The following PGLYRP4 variants were observed in gnomAD, a reference collection of about 807,000 sequenced individuals.
PGLYRP4 encodes the protein PGRP-I-beta.
PGLYRP4 carries 39 observed loss-of-function variants against 41.2 expected under a neutral mutation model. The observed-to-expected ratio is 0.95, with a 90% CI of 0.73 to 1.24. The LOEUF is 1.24. Ranked by LOEUF, PGLYRP4 falls within the 50% of genes most tolerant of loss-of-function variation. The pLI is 0.00. For missense variants in PGLYRP4, 467 were observed against 460.7 expected, an observed-to-expected ratio of 1.01 and a Z score of -0.13; for synonymous variants, 202 against 186.8, an observed-to-expected ratio of 1.08 and a Z score of -0.66.
At chr1:153,336,266 G>C (rs1030102551) in intron 8 of PGLYRP4, among the ~76,000 whole-genome samples, 1 of 150,868 alleles carries the variant, frequency 6.6e-6, no homozygotes, top group African/African-American at 2.4e-5. Flanking sequence ...AGCTACTCGG[G>C]AGGTTGAGGC....
At chr1:153,331,418 A>G (rs571579721) in intron 8 of PGLYRP4, among the ~76,000 whole-genome samples, 1 of 152,296 alleles carries the variant, frequency 6.6e-6, no homozygotes, top group East Asian at 1.9e-4. Flanking sequence ...ATTTAATCAC[A>G]ATGTACTGCC....
chr1:153,340,660 C>A, intron 6 of PGLYRP4, 81 bp from the exon 7 acceptor site: 2 of 1,389,830 alleles, frequency 1.4e-6, no homozygotes, highest in South Asian at 1.3e-5. Flanking sequence ...TGATATAATG[C>A]TCAGGACCCT....
rs534125850 is a variant in PGLYRP4 at position 153,348,282 on chromosome 1, C to G, written c.-47+246G>C. Among the ~76,000 whole-genome samples the G allele has an allele frequency of 6.0e-4, 91 of 152,268 alleles. 1 individual carries two copies. The Middle Eastern group carries it at 0.01, about 17-fold the overall frequency. On this transcript the variant is annotated intron_variant, in intron 1 of 8. Coordinates refer to ENST00000359650, the MANE Select transcript of PGLYRP4 (RefSeq NM_020393.4). ...TCCTGTCATGTAAGACTGTTAACCC[C>G]CATTTTTACAGACAAAGGAAGTAAG... is the stretch of plus-strand genomic sequence containing the variant.
At chr1:153,337,078 G>A in intron 8 of PGLYRP4, 103 bp downstream of exon 8, 1 of 891,568 alleles carries the variant, frequency 1.1e-6, no homozygotes, top group Non-Finnish European at 1.9e-6. Flanking sequence ...TCAAGCATAT[G>A]CAGGCACTAA....
rs1013639071 is a variant in PGLYRP4, at chr1:153,331,304, G to T, written c.944-359C>A. On this transcript the variant is annotated intron_variant, in intron 8 of 8. Coordinates refer to ENST00000359650, the MANE Select transcript of PGLYRP4 (RefSeq NM_020393.4). ...ACTGGGATGCAGGGGAATACTAGTC[G>T]GTAGAAGCCAAGGATACTGCTAAAC... Among the ~76,000 whole-genome samples, 3 of 152,144 alleles carry T rather than the reference G, an allele frequency of 2.0e-5. No homozygotes were observed. The East Asian group carries it at 5.8e-4, about 29-fold the overall frequency.
At chr1:153,331,391 T>G (rs1660330624) in intron 8 of PGLYRP4, among the ~76,000 whole-genome samples, 1 of 152,198 alleles carries the variant, frequency 6.6e-6, no homozygotes, top group Non-Finnish European at 1.5e-5. Context: ...TCAATTGTAC[T>G]GAGGTTGAGA....
chr1:153,340,214 C>T (rs1660736910), intron 7 of PGLYRP4, among the ~76,000 whole-genome samples, 167 bp downstream of exon 7: 1 of 152,160 alleles, frequency 6.6e-6, no homozygotes, highest in Admixed American at 6.5e-5. Flanking sequence ...TGGCTATCTC[C>T]TAAGAAAGAC....
Position 153,345,053 on chromosome 1 carries a change from T to A in PGLYRP4, c.353+116A>T, listed in dbSNP as rs1172439390. The A allele has an allele frequency of 1.2e-5, 9 of 753,794 alleles. 1 individual carries two copies. The East Asian group carries it at 2.1e-4, about 17-fold the overall frequency. The allele number at this position is 753,794 out of a possible 1,614,324, so 46.7% of individuals were successfully genotyped here. ...GGGGTTTTAAATATTTTATTCATTA[T>A]AAAACATATAGGACCACAACCCAGA... On this transcript the variant is annotated intron_variant, in intron 4 of 8. Coordinates refer to ENST00000359650, the MANE Select transcript of PGLYRP4 (RefSeq NM_020393.4).
intron 6 of PGLYRP4, among the ~76,000 whole-genome samples, chr1:153,341,229 C>G (rs1035898812): frequency 6.6e-5 from 10 of 152,182 alleles, no homozygotes; most frequent in African/African-American, 2.2e-4. Context: ...ATATAACATC[C>G]CAATATGTCA....
intron 6 of PGLYRP4, 53 bp downstream of exon 6, chr1:153,341,574 T>G: frequency 1.3e-6 from 2 of 1,514,766 alleles, no homozygotes; most frequent in Non-Finnish European, 1.8e-6. Context: ...TATTTGCGAG[T>G]TAGTTGGGGT....
Position 153,330,953 on chromosome 1 carries a change from A to T in PGLYRP4, c.944-8T>A. ...CAGCATTGGGTGGTATACCTGCAAA[A>T]CACAGCAGCCCATTGTCTACAGGAT... is the stretch of plus-strand genomic sequence containing the variant. On this transcript the variant is annotated splice_region_variant and splice_polypyrimidine_tract_variant and intron_variant, in intron 8 of 8. Transcript: ENST00000359650. 2 of 1,609,824 alleles carry T rather than the reference A, an allele frequency of 1.2e-6. No homozygotes were observed. The highest frequency in any genetic ancestry group is 1.7e-6 in the Non-Finnish European group (2 of 1,176,870).
chr1:153,343,013 G>T, intron 5 of PGLYRP4, 77 bp downstream of exon 5: 1 of 822,140 alleles, frequency 1.2e-6, no homozygotes, highest in Non-Finnish European at 2.1e-6. Flanking sequence ...GTAGCAGATA[G>T]CTAGTTCCCA....
intron 8 of PGLYRP4, among the ~76,000 whole-genome samples, chr1:153,334,969 A>G (rs1026806215): frequency 2.6e-5 from 4 of 152,206 alleles, no homozygotes; most frequent in African/African-American, 9.6e-5. Context: ...CACCCTATTG[A>G]ATAAATGGTG....
At chr1:153,337,103 C>T (rs989921272) in intron 8 of PGLYRP4, 78 bp downstream of exon 8, 1 of 1,081,028 alleles carries the variant, frequency 9.3e-7, no homozygotes, top group African/African-American at 1.6e-5. Flanking sequence ...ACGCTTGAGA[C>T]TGAGACTTTG....
intron 3 of PGLYRP4, 68 bp from the exon 4 acceptor site, chr1:153,345,450 G>A (rs1421218599): frequency 7.0e-7 from 1 of 1,429,348 alleles, no homozygotes; most frequent in Non-Finnish European, 9.8e-7. Context: ...GAACATGCAG[G>A]CATGGGCTGT....
At chr1:153,345,092 G>T in intron 4 of PGLYRP4, 77 bp downstream of exon 4, 1 of 1,078,008 alleles carries the variant, frequency 9.3e-7, no homozygotes, top group Non-Finnish European at 1.4e-6. Flanking sequence ...TGAGGAAAAG[G>T]GATGAGAAGG....
intron 3 of PGLYRP4, among the ~76,000 whole-genome samples, chr1:153,345,765 C>A (rs774963759): frequency 6.6e-6 from 1 of 152,216 alleles, no homozygotes; most frequent in Non-Finnish European, 1.5e-5. Context: ...TCTGAGTGTT[C>A]CCTGAGGGGA....
rs1661088880 is a variant in PGLYRP4 at position 153,347,992 on chromosome 1, T to A, written c.-46-14A>T. 8.0e-6 allele frequency: 11 copies of A among 1,368,432 alleles called. No homozygotes were observed. The Admixed American group carries it at 2.0e-4, about 25-fold the overall frequency. 84.8% of individuals were successfully genotyped at this position (1,368,432 alleles called of 1,614,324 possible). On this transcript the variant is annotated splice_polypyrimidine_tract_variant and intron_variant, in intron 1 of 8. Transcript: ENST00000359650. Reference sequence around the variant, plus strand: ...GTGGATGGCAGCCTGAGAGAGACGCTGACAGTTGTTAACATGACCATTCTC... The same window carrying A: ...GTGGATGGCAGCCTGAGAGAGACGCAGACAGTTGTTAACATGACCATTCTC...
chr1:153,342,306 G>A (rs3014860), intron 5 of PGLYRP4, among the ~76,000 whole-genome samples: 148,266 of 152,364 alleles, frequency 0.97, 72,161 homozygotes, highest in East Asian at 1. Context: ...GTCCTCTGGA[G>A]TGCTGGGGAA....
Sources: gnomAD v4.1 joint callset for allele counts (sites outside exome capture counted in the v4.1 genomes callset) on GRCh38, gnomAD v4.1.1 for gene constraint, MANE v1.5 for transcripts, NCBI Gene and HGNC (gene_info 2026-07-23, HGNC 2026-07-21) for gene names.